NELL1: variants seen among roughly 807,000 people sequenced by gnomAD.
The protein encoded by NELL1 is protein kinase C-binding protein NELL1.
A neutral mutation model predicts 107.4 loss-of-function variants in NELL1; 76 were observed. The observed-to-expected ratio is 0.71, with a 90% CI of 0.59 to 0.86. NELL1 has a LOEUF of 0.86. NELL1 is among the 40% of genes least tolerant of loss of function. The pLI is 0.00. For synonymous variants in NELL1, 353 were observed against 341.2 expected (o/e 1.03, Z -0.38); for missense variants, 1,024 against 1,005.5 (o/e 1.02, Z -0.25).
intron 12 of NELL1, among the ~76,000 whole-genome samples, chr11:21,061,315 A>G (rs1165337061): frequency 1.3e-5 from 2 of 152,188 alleles, no homozygotes; most frequent in Non-Finnish European, 2.9e-5. Context: ...GAATAATGAA[A>G]TAGAATTGAC....
chr11:21,308,081 A>G (rs1033429076), intron 14 of NELL1, among the ~76,000 whole-genome samples: 3 of 152,014 alleles, frequency 2.0e-5, no homozygotes, highest in Admixed American at 1.3e-4. Context: ...CGGCTTTGCC[A>G]CTTATCACTG....
At chr11:21,035,468 A>G (rs1853066427) in intron 12 of NELL1, among the ~76,000 whole-genome samples, 1 of 139,518 alleles carries the variant, frequency 7.2e-6, no homozygotes, top group African/African-American at 2.8e-5. Flanking sequence ...TGACGCAAAA[A>G]TCCTAAAAAA....
At chr11:21,418,398 T>C (rs897706740) in intron 15 of NELL1, among the ~76,000 whole-genome samples, 23 of 152,244 alleles carry the variant, frequency 1.5e-4, no homozygotes, top group Admixed American at 1.1e-3. Context: ...TAGTAGTAAC[T>C]ATAGTAGTAT....
intron 13 of NELL1, among the ~76,000 whole-genome samples, chr11:21,226,720 A>G (rs762395871): frequency 1.3e-5 from 2 of 152,216 alleles, no homozygotes. Flanking sequence ...ACAATATATT[A>G]TGATATCATT....
At chr11:21,278,134 G>A (rs1443110687) in intron 14 of NELL1, among the ~76,000 whole-genome samples, 5 of 151,728 alleles carry the variant, frequency 3.3e-5, no homozygotes, top group African/African-American at 7.3e-5. Context: ...TAATAGAAGC[G>A]AACTTCCTCA....
At chr11:20,764,061 T>C (rs1289855874) in intron 2 of NELL1, among the ~76,000 whole-genome samples, 2 of 152,226 alleles carry the variant, frequency 1.3e-5, no homozygotes, top group African/African-American at 4.8e-5. Context: ...CGTTGCCAGG[T>C]CATCTAATTT....
At chr11:21,400,207 C>A (rs12796542) in intron 15 of NELL1, among the ~76,000 whole-genome samples, 1 of 151,722 alleles carries the variant, frequency 6.6e-6, no homozygotes, top group Non-Finnish European at 1.5e-5. Flanking sequence ...CTCTCTGATG[C>A]GTTTCCTACC....
intron 5 of NELL1, among the ~76,000 whole-genome samples, chr11:20,913,578 A>T (rs1850180374): frequency 6.6e-6 from 1 of 152,120 alleles, no homozygotes; most frequent in African/African-American, 2.4e-5. Flanking sequence ...TTAAAAATCC[A>T]TAATATACAA....
intron 15 of NELL1, among the ~76,000 whole-genome samples, chr11:21,443,917 TAC>T (rs1853355367): frequency 6.6e-6 from 1 of 152,086 alleles, no homozygotes; most frequent in African/African-American, 2.4e-5. Context: ...TAAAATATGC[TAC>T]AGTTTCATTA....
At chr11:20,871,510 A>G (rs912173094) in intron 4 of NELL1, among the ~76,000 whole-genome samples, 2 of 152,186 alleles carry the variant, frequency 1.3e-5, no homozygotes, top group African/African-American at 4.8e-5. Context: ...CTGTCTATTC[A>G]TCCATCATCC....
At chr11:20,698,936 A>G (rs1792987) in intron 2 of NELL1, among the ~76,000 whole-genome samples, 30,581 of 152,010 alleles carry the variant, frequency 0.2, 3,350 homozygotes, top group African/African-American at 0.25. Context: ...CGGTCTCCAA[A>G]CTGGGCGTGG....
At chr11:21,451,195 A>AG (rs958168699) in intron 15 of NELL1, among the ~76,000 whole-genome samples, 5 of 140,024 alleles carry the variant, frequency 3.6e-5, no homozygotes, top group Non-Finnish European at 7.7e-5. Context: ...TAAAAAAAAA[A>AG]AAAAAAAGAA....
intron 14 of NELL1, among the ~76,000 whole-genome samples, chr11:21,294,846 G>C (rs1590812889): frequency 6.6e-6 from 1 of 151,910 alleles, no homozygotes; most frequent in African/African-American, 2.4e-5. Context: ...ATCAATATCT[G>C]CTTTTGAAAA....
At chr11:20,880,241 G>T (rs1477555902) in intron 4 of NELL1, among the ~76,000 whole-genome samples, 1 of 152,188 alleles carries the variant, frequency 6.6e-6, no homozygotes, top group African/African-American at 2.4e-5. Context: ...CTAAGATATT[G>T]AGACTTCCCA....
chr11:21,085,771 G>C (rs1483032893), intron 12 of NELL1, among the ~76,000 whole-genome samples: 1 of 152,210 alleles, frequency 6.6e-6, no homozygotes, highest in African/African-American at 2.4e-5. Context: ...GGACAGGCAA[G>C]GTGATAGGAA....
intron 14 of NELL1, among the ~76,000 whole-genome samples, chr11:21,256,439 G>A (rs1263513103): frequency 6.6e-6 from 1 of 152,024 alleles, no homozygotes; most frequent in Non-Finnish European, 1.5e-5. Context: ...GATCTGGAAG[G>A]CAGATCTGCT....
chr11:21,317,904 A>G (rs1408440430), intron 14 of NELL1, among the ~76,000 whole-genome samples: 1 of 152,130 alleles, frequency 6.6e-6, no homozygotes, highest in African/African-American at 2.4e-5. Flanking sequence ...TTATGTAACC[A>G]TGTAAGTTAA....
intron 3 of NELL1, among the ~76,000 whole-genome samples, chr11:20,825,729 GA>G (rs1857867092): frequency 6.6e-6 from 1 of 151,276 alleles, no homozygotes; most frequent in African/African-American, 2.4e-5. Context: ...TCTCAGATAA[GA>G]ATATGGACTT....
chr11:20,937,163 A>T (rs1850743775), intron 9 of NELL1, among the ~76,000 whole-genome samples: 1 of 152,170 alleles, frequency 6.6e-6, no homozygotes, highest in Non-Finnish European at 1.5e-5. Context: ...AGCTCCGTTT[A>T]TGTTTCTCTT....
Sources: allele counts gnomAD v4.1 joint callset (sites outside exome capture counted in the v4.1 genomes callset), GRCh38; gene constraint gnomAD v4.1.1; transcripts MANE v1.5; gene names NCBI Gene and HGNC (gene_info 2026-07-23, HGNC 2026-07-21).